SLC38A12: variants seen among roughly 807,000 people sequenced by gnomAD.
SLC38A12 encodes the protein solute carrier family 38 member 12, also known as putative sodium-coupled neutral amino acid transporter 12.
the SLC38A12 span, among the ~76,000 whole-genome samples, chr17:74,804,378 C>T: frequency 2.6e-5 from 4 of 152,370 alleles, no homozygotes; most frequent in South Asian, 2.1e-4. Context: ...GCTGAGTGTG[C>T]GCTGTGCAGT....
the SLC38A12 span, among the ~76,000 whole-genome samples, chr17:74,808,870 TC>T: frequency 3.0e-3 from 454 of 152,292 alleles, 3 homozygotes; most frequent in African/African-American, 0.01. Context: ...TGGACAGTTT[TC>T]TGGCAGGTCA....
chr17:74,790,375 GA>G, the SLC38A12 span: 3 of 1,291,418 alleles, frequency 2.3e-6, no homozygotes, highest in African/African-American at 2.9e-5. Flanking sequence ...GGGCCCTGGA[GA>G]GGCTCCCCGC....
the SLC38A12 span, chr17:74,836,076 A>C: frequency 6.2e-7 from 1 of 1,612,270 alleles, no homozygotes; most frequent in Non-Finnish European, 8.5e-7. The surrounding 1 kb of genome is among the most constrained non-coding windows in gnomAD (Gnocchi z 4.2). Context: ...GCCATCCCTC[A>C]TTACCCCCGT....
chr17:74,784,111 G>A, the SLC38A12 span, among the ~76,000 whole-genome samples: 1 of 151,746 alleles, frequency 6.6e-6, no homozygotes, highest in African/African-American at 2.4e-5. Flanking sequence ...CACAAATTCA[G>A]CATGTGGCTA....
chr17:74,790,445 A>G, the SLC38A12 span: 3 of 723,976 alleles, frequency 4.1e-6, no homozygotes, highest in Non-Finnish European at 7.2e-6. Flanking sequence ...GACTCAAAAG[A>G]GCACAGGGTT....
chr17:74,839,063 C>T, the SLC38A12 span: 9 of 1,535,470 alleles, frequency 5.9e-6, no homozygotes, highest in Non-Finnish European at 7.0e-6. Flanking sequence ...AGTAAACTTT[C>T]TTTGCCTCCC....
At chr17:74,791,110 A>C in the SLC38A12 span, 1 of 1,340,110 alleles carries the variant, frequency 7.5e-7, no homozygotes, top group Non-Finnish European at 1.1e-6. Flanking sequence ...CACCCTTGTA[A>C]TGAGGGCTCC....
the SLC38A12 span, chr17:74,776,500 G>A: frequency 6.6e-6 from 1 of 152,300 alleles, no homozygotes; most frequent in African/African-American, 2.4e-5. Context: ...GCGCGCTGCG[G>A]AAGCTGGTGC....
At chr17:74,803,844 T>C in the SLC38A12 span, among the ~76,000 whole-genome samples, 5 of 152,248 alleles carry the variant, frequency 3.3e-5, no homozygotes, top group Admixed American at 6.5e-5. Flanking sequence ...GTTTTTATTA[T>C]ATCTGTTAAG....
At chr17:74,835,636 C>G in the SLC38A12 span, among the ~76,000 whole-genome samples, 3 of 152,170 alleles carry the variant, frequency 2.0e-5, no homozygotes, top group African/African-American at 7.2e-5. Flanking sequence ...GACAGAGTTG[C>G]TACCTCTGCA....
chr17:74,791,800 C>T, the SLC38A12 span, among the ~76,000 whole-genome samples: 3 of 152,200 alleles, frequency 2.0e-5, no homozygotes, highest in Admixed American at 6.5e-5. Flanking sequence ...GGTGTGCCAG[C>T]GACATCTTAT....
At chr17:74,782,356 C>T in the SLC38A12 span, among the ~76,000 whole-genome samples, 1 of 152,162 alleles carries the variant, frequency 6.6e-6, no homozygotes, top group African/African-American at 2.4e-5. Flanking sequence ...GTATGAGCCA[C>T]CACACCCGGC....
the SLC38A12 span, among the ~76,000 whole-genome samples, chr17:74,790,682 C>G: frequency 6.6e-6 from 1 of 151,970 alleles, no homozygotes; most frequent in Non-Finnish European, 1.5e-5. Context: ...CATACATGCC[C>G]CTGCCTTGCT....
the SLC38A12 span, among the ~76,000 whole-genome samples, chr17:74,788,170 C>T: frequency 3.9e-5 from 6 of 152,304 alleles, no homozygotes; most frequent in African/African-American, 1.4e-4. Flanking sequence ...CTAATGCCAC[C>T]TCCCAATCTC....
At chr17:74,795,170 A>G in the SLC38A12 span, 8 of 1,408,020 alleles carry the variant, frequency 5.7e-6, no homozygotes, top group East Asian at 4.6e-5. Flanking sequence ...TCAGCAAGTC[A>G]GGGCAGAGTG....
At chr17:74,777,749 G>A in the SLC38A12 span, 12 of 544,346 alleles carry the variant, frequency 2.2e-5, no homozygotes, top group East Asian at 7.5e-4. Context: ...GTAAAACCCT[G>A]TCTCTACTAA....
the SLC38A12 span, among the ~76,000 whole-genome samples, chr17:74,783,721 C>CTTTTTTTTTT: frequency 4.8e-5 from 5 of 104,002 alleles, no homozygotes; most frequent in African/African-American, 7.5e-5. Flanking sequence ...CATGCTTTTT[C>CTTTTTTTTTT]TTTTTTTTTT....
chr17:74,836,715 G>A, the SLC38A12 span: 1 of 1,556,140 alleles, frequency 6.4e-7, no homozygotes, highest in Non-Finnish European at 8.7e-7. The surrounding 1 kb of genome is among the most constrained non-coding windows in gnomAD (Gnocchi z 4.2). Context: ...CTAGTGACAG[G>A]AGGCATAGGG....
the SLC38A12 span, among the ~76,000 whole-genome samples, chr17:74,779,937 T>C: frequency 6.6e-6 from 1 of 152,258 alleles, no homozygotes; most frequent in African/African-American, 2.4e-5. Flanking sequence ...AGGGTAGTGC[T>C]GAACACGGGA....
Sources: allele counts gnomAD v4.1 joint callset (sites outside exome capture counted in the v4.1 genomes callset), GRCh38; gene constraint gnomAD v4.1.1; non-coding constraint Gnocchi (gnomAD v3.1); transcripts MANE v1.5; gene names NCBI Gene and HGNC (gene_info 2026-07-23, HGNC 2026-07-21).